Variants in UNC93A observed in about 807,000 individuals in gnomAD.
UNC93A encodes unc-93 homolog A.
In UNC93A, 43 loss-of-function variants were observed where a neutral mutation model predicts 47.5. That is an observed-to-expected ratio of 0.91 (90% CI 0.71 to 1.17). The LOEUF (loss-of-function observed/expected upper bound fraction) is 1.17, where lower values mean the gene tolerates loss of function less well. Among genes scored for constraint, UNC93A ranks in the 50% most tolerant of loss-of-function variants. The probability of loss-of-function intolerance (pLI) is 0.00; values close to 1 mark genes in which losing one functional copy is unlikely to be tolerated. For missense variants in UNC93A, 605 were observed against 577.6 expected (o/e 1.05, Z -0.49); for synonymous variants, 280 against 258.0 (o/e 1.09, Z -0.82).
At chr6:167,276,323 G>A (rs980947275) in intron 1 of UNC93A, among the ~76,000 whole-genome samples, 4 of 152,138 alleles carry the variant, frequency 2.6e-5, no homozygotes, top group Admixed American at 2.0e-4. Context: ...TGGGGCAGAT[G>A]TCTCTTTGAT....
intron 1 of UNC93A, among the ~76,000 whole-genome samples, chr6:167,276,542 C>T (rs1332165143): frequency 6.6e-6 from 1 of 152,108 alleles, no homozygotes; most frequent in East Asian, 1.9e-4. Context: ...TGTGAGACCC[C>T]GGCAGTTTAG....
intron 7 of UNC93A, among the ~76,000 whole-genome samples, chr6:167,313,788 C>T (rs958857492): frequency 2.0e-5 from 3 of 152,108 alleles, no homozygotes; most frequent in African/African-American, 7.2e-5. Flanking sequence ...ATTTTCTTCC[C>T]TAGAACCTTG....
Position 167,295,663 on chromosome 6 carries a change from A to ATCCTCGCCTCCCTCGTGC in UNC93A, c.270-360_270-359insCCCTCGTGCTCCTCGCCT, listed in dbSNP as rs1562350517. ...CCTCGTGCTCCTCGCCTCCCTCGTG[A>ATCCTCGCCTCCCTCGTGC]TCCTCGCCTGCCTCGTGCTCCTCGC... On this transcript the variant is annotated intron_variant, in intron 2 of 7. Transcript: ENST00000230256. Among the ~76,000 whole-genome samples, 24 of 21,192 alleles carry ATCCTCGCCTCCCTCGTGC rather than the reference A, an allele frequency of 1.1e-3. 6 individuals carry two copies. The highest frequency in any genetic ancestry group is 5.3e-3 in the South Asian group (3 of 568). The allele number at this position is 21,192 out of a possible 152,430, so 13.9% of individuals were successfully genotyped here.
chr6:167,314,102 G>A (rs963359467), intron 7 of UNC93A, among the ~76,000 whole-genome samples: 1 of 152,200 alleles, frequency 6.6e-6, no homozygotes, highest in Non-Finnish European at 1.5e-5. Flanking sequence ...CATTCATGAT[G>A]TGAGTTGTTT....
chr6:167,289,989 A>G (rs1023456151), upstream of UNC93A, among the ~76,000 whole-genome samples: 3 of 152,228 alleles, frequency 2.0e-5, no homozygotes, highest in African/African-American at 7.2e-5. Context: ...GTTGAACCAT[A>G]TATGTATCTT....
chr6:167,270,090 A>T (rs1783427382), upstream of UNC93A, among the ~76,000 whole-genome samples: 1 of 147,796 alleles, frequency 6.8e-6, no homozygotes, highest in Non-Finnish European at 1.5e-5. Flanking sequence ...CATGGTCCGG[A>T]GTCCCCACCC....
intron 1 of UNC93A, among the ~76,000 whole-genome samples, chr6:167,284,712 G>T (rs569973436): frequency 3.3e-5 from 5 of 152,350 alleles, no homozygotes; most frequent in Non-Finnish European, 5.9e-5. Flanking sequence ...AGTCTTGCCT[G>T]TAGTGCCCAC....
At chr6:167,286,059 A>G (rs1042566907) in intron 1 of UNC93A, among the ~76,000 whole-genome samples, 2 of 145,806 alleles carry the variant, frequency 1.4e-5, no homozygotes, top group Non-Finnish European at 2.9e-5. Context: ...TTATATTCAC[A>G]TATGGCTATA....
At chr6:167,279,359 C>T (rs1783595462) in intron 1 of UNC93A, among the ~76,000 whole-genome samples, 1 of 152,232 alleles carries the variant, frequency 6.6e-6, no homozygotes, top group African/African-American at 2.4e-5. Context: ...ATTTGCAATT[C>T]ATTTCAAAAT....
chr6:167,309,823 T>A (rs1168628548), intron 7 of UNC93A, among the ~76,000 whole-genome samples: 2 of 152,196 alleles, frequency 1.3e-5, no homozygotes, highest in Non-Finnish European at 2.9e-5. Flanking sequence ...TTCACAGTCC[T>A]TTCTGCTGCC....
chr6:167,315,718 C>A lies in UNC93A; in HGVS notation c.*266C>A, dbSNP rs905039498. 1.7e-5 allele frequency: 6 copies of A among 345,396 alleles called. No homozygotes were observed. Among genetic ancestry groups the A allele is most frequent in the African/African-American group, 1.4e-4 (6 of 43,470 alleles). 21.4% of individuals were successfully genotyped at this position (345,396 alleles called of 1,614,324 possible). ...AAAAGAAAAAGGTCTAACGTACAAT[C>A]AGCCAATTAGAATTTGCCTGAAATC... On this transcript the variant is annotated 3_prime_UTR_variant, in exon 8 of 8. Coordinates refer to ENST00000230256, the MANE Select transcript of UNC93A (RefSeq NM_018974.4).
rs1476822004 is a variant in UNC93A, at chr6:167,307,834, T to C, written c.1032T>C (p.Ala344=). ...CCCTACTGCTGTGGAGACCTCGTGCTGACCATCTGGCAGTGTTCTTCGTAT... is the reference window on the plus strand; with the variant it reads ...CCCTACTGCTGTGGAGACCTCGTGCCGACCATCTGGCAGTGTTCTTCGTAT... The part of the protein sequence containing the change: ...MIALLLWRPR[A]DHLAVFFVFS... The change falls in exon 7 of 8, where the codon GCT becomes GCC. Residue 344 remains alanine, a synonymous_variant. Transcript: ENST00000230256. The C allele has an allele frequency of 6.2e-7, 1 of 1,614,010 alleles. No homozygotes were observed. The highest frequency in any genetic ancestry group is 8.5e-7 in the Non-Finnish European group (1 of 1,179,996).
Position 167,282,989 on chromosome 6 carries a change from A to G in UNC93A, c.-51-8450A>G, listed in dbSNP as rs145134925. Among the ~76,000 whole-genome samples, 731 of 152,290 alleles carry G rather than the reference A, an allele frequency of 4.8e-3. 5 individuals are homozygous for G. The highest frequency in any genetic ancestry group is 0.016 in the African/African-American group (677 of 41,526). On this transcript the variant is annotated intron_variant, in intron 1 of 3. Transcript: ENST00000503433. Reference sequence around the variant, plus strand: ...GTTCAGGTAAGGGGTTGTGAAGACCAAGGTTTTATTATGTTGATGAAGTCT... The same window carrying G: ...GTTCAGGTAAGGGGTTGTGAAGACCGAGGTTTTATTATGTTGATGAAGTCT...
In UNC93A at chr6:167,298,820, A is replaced by AT. The variant is rs201440136; in HGVS notation, c.625+761dup. 8.8e-4 allele frequency among the ~76,000 whole-genome samples: 132 copies of AT among 149,396 alleles called. 1 individual carries two copies. The highest frequency in any genetic ancestry group is 2.5e-3 in the African/African-American group (102 of 40,936). On this transcript the variant is annotated intron_variant, in intron 4 of 7. Coordinates refer to ENST00000230256, the MANE Select transcript of UNC93A (RefSeq NM_018974.4). ...AAACCATTTTGTAAATAATTTAAAT[A>AT]TTTTTTTTTTTGGCTGGGCATGGTG...
chr6:167,285,712 G>A lies in UNC93A; in HGVS notation c.-51-5727G>A, dbSNP rs562275390. ...CGGCCCTGGGCAGCAGCTCAACCAG[G>A]AGAATGGGCAGCCTGGAGGGTAGGT... On this transcript the variant is annotated intron_variant, in intron 1 of 3. Coordinates refer to the UNC93A transcript ENST00000503433. Among the ~76,000 whole-genome samples, 6 of 151,724 alleles carry A rather than the reference G, an allele frequency of 4.0e-5. No individual in the cohort carries two copies. In the East Asian group the frequency reaches 1.2e-3, roughly 30 times the overall value.
chr6:167,309,793 T>C (rs956216993), intron 7 of UNC93A, among the ~76,000 whole-genome samples: 10 of 152,168 alleles, frequency 6.6e-5, no homozygotes, highest in Admixed American at 6.5e-5. Flanking sequence ...ACCCACACTG[T>C]TGGATTTAAG....
Position 167,281,802 on chromosome 6 carries a change from G to A in UNC93A, c.-51-9637G>A, listed in dbSNP as rs549439424. On this transcript the variant is annotated intron_variant, in intron 1 of 3. Coordinates refer to the UNC93A transcript ENST00000503433. ...GCTGGCCCAGCCCGGCCAGCCAGCA[G>A]CAGTGCCCACATCTGCAGGTGGAGC... 1.4e-3 allele frequency among the ~76,000 whole-genome samples: 214 copies of A among 152,308 alleles called. 2 individuals are homozygous for A. Among genetic ancestry groups the A allele is most frequent in the Middle Eastern group, 3.4e-3 (1 of 294 alleles).
upstream of UNC93A, among the ~76,000 whole-genome samples, chr6:167,288,689 A>C (rs1026104981): frequency 1.3e-5 from 2 of 152,234 alleles, no homozygotes; most frequent in Non-Finnish European, 2.9e-5. Context: ...ACATGAGTAC[A>C]TTCCTTAAAA....
At chr6:167,298,504 A>G (rs1400630905) in intron 4 of UNC93A, 1 of 150,894 alleles carries the variant, frequency 6.6e-6, no homozygotes, top group Non-Finnish European at 1.5e-5. Context: ...GGCCCTGAAC[A>G]TCCATAATTG....
Sources: allele counts gnomAD v4.1 joint callset (sites outside exome capture counted in the v4.1 genomes callset), GRCh38; gene constraint gnomAD v4.1.1; transcripts MANE v1.5; gene names NCBI Gene and HGNC (gene_info 2026-07-23, HGNC 2026-07-21).